The following WWTR1 variants were observed in gnomAD, a reference collection of about 807,000 sequenced individuals.
WWTR1 encodes WW domain-containing transcription regulator protein 1.
WWTR1 carries 13 observed loss-of-function variants against 40.1 expected under a neutral mutation model. The observed-to-expected ratio is 0.32, with a 90% confidence interval of 0.21 to 0.52. WWTR1 has a LOEUF of 0.52. Ranked by LOEUF, WWTR1 falls within the 20% of genes least tolerant of loss-of-function variation. The pLI is 0.97. For missense variants in WWTR1, 436 were observed against 523.1 expected (o/e 0.83, Z 1.63); for synonymous variants, 230 against 210.1 (o/e 1.09, Z -0.82).
chr3:149,559,655 G>A lies in WWTR1; in HGVS notation c.568+13209C>T, dbSNP rs60891406. Among the ~76,000 whole-genome samples, 203 of 152,274 alleles carry A rather than the reference G, an allele frequency of 1.3e-3. 9 individuals are homozygous for A. The East Asian group carries it at 0.032, about 24-fold the overall frequency. On this transcript the variant is annotated intron_variant, in intron 3 of 6. Transcript: ENST00000360632. The stretch of plus-strand genomic sequence containing the variant: ...CTCCTGGAGACAGAATTCTCAGTCC[G>A]GCAGGGACCAGAGAAACTGTGTTAT...
At chr3:149,603,035 G>A (rs1405197822) in intron 2 of WWTR1, among the ~76,000 whole-genome samples, 1 of 151,994 alleles carries the variant, frequency 6.6e-6, no homozygotes, top group Non-Finnish European at 1.5e-5. Flanking sequence ...TCTACTCTAG[G>A]TTTCAACTGT....
chr3:149,522,237 G>A (rs1467375991), intron 6 of WWTR1, among the ~76,000 whole-genome samples: 3 of 152,170 alleles, frequency 2.0e-5, no homozygotes, highest in Non-Finnish European at 2.9e-5. Flanking sequence ...TGAAACGTGT[G>A]TAGGGAAGTT....
At chr3:149,691,813 G>A (rs1714835366) in intron 1 of WWTR1, among the ~76,000 whole-genome samples, 1 of 151,978 alleles carries the variant, frequency 6.6e-6, no homozygotes, top group Non-Finnish European at 1.5e-5. Flanking sequence ...TCAGGAGATC[G>A]AGACCATCCT....
intron 3 of WWTR1, among the ~76,000 whole-genome samples, chr3:149,547,971 C>T (rs577567271): frequency 6.8e-5 from 10 of 147,396 alleles, no homozygotes; most frequent in South Asian, 6.4e-4. Context: ...CACACAAAAC[C>T]GCCAGTGCCA....
chr3:149,651,721 G>C (rs77055800), intron 2 of WWTR1, among the ~76,000 whole-genome samples: 2,839 of 152,022 alleles, frequency 0.019, 91 homozygotes, highest in African/African-American at 0.065. Flanking sequence ...ATTGGCCCAG[G>C]AATCCTAAAA....
chr3:149,524,239 A>G (rs1285461122), intron 6 of WWTR1, among the ~76,000 whole-genome samples: 1 of 152,020 alleles, frequency 6.6e-6, no homozygotes, highest in Non-Finnish European at 1.5e-5. Context: ...ATTTAATTCC[A>G]CATTACGGCT....
chr3:149,712,734 C>T (rs1372003889), intron 5 of WWTR1, among the ~76,000 whole-genome samples: 1 of 152,190 alleles, frequency 6.6e-6, no homozygotes, highest in Non-Finnish European at 1.5e-5. Context: ...TCACACTACT[C>T]TAAACCACAA....
At chr3:149,585,821 A>C (rs1738394835) in intron 2 of WWTR1, among the ~76,000 whole-genome samples, 1 of 152,232 alleles carries the variant, frequency 6.6e-6, no homozygotes, top group Non-Finnish European at 1.5e-5. Flanking sequence ...AAGAAGTTTT[A>C]ATCTAATTTA....
At position 149,520,621 on chromosome 3, in the gene WWTR1, T is replaced by A. The variant is rs1187069367; in HGVS notation, c.*184A>T. Reference sequence around the variant, plus strand: ...AAAATGAAAATAGAATATTTATTTATGTTTAACTTAAGTTACTCTCAATCA... The same window carrying A: ...AAAATGAAAATAGAATATTTATTTAAGTTTAACTTAAGTTACTCTCAATCA... On this transcript the variant is annotated 3_prime_UTR_variant, in exon 7 of 7. Coordinates refer to ENST00000360632, the MANE Select transcript of WWTR1 (RefSeq NM_015472.6). 6.5e-6 allele frequency: 3 copies of A among 464,360 alleles called. No homozygotes were observed. The highest frequency in any genetic ancestry group is 1.1e-5 in the Non-Finnish European group (3 of 270,046). 28.8% of individuals were successfully genotyped at this position (464,360 alleles called of 1,614,324 possible).
At chr3:149,681,253 A>G (rs1714451704) in intron 1 of WWTR1, among the ~76,000 whole-genome samples, 1 of 152,226 alleles carries the variant, frequency 6.6e-6, no homozygotes, top group African/African-American at 2.4e-5. Flanking sequence ...AAGAACCTCC[A>G]TGCTGTTTTC....
At chr3:149,673,903 G>T (rs1714175963) in intron 1 of WWTR1, among the ~76,000 whole-genome samples, 1 of 151,968 alleles carries the variant, frequency 6.6e-6, no homozygotes, top group African/African-American at 2.4e-5. Flanking sequence ...AGGCTGTTTT[G>T]CAATGGAAGG....
At chr3:149,655,306 G>A (rs984575440) in intron 2 of WWTR1, among the ~76,000 whole-genome samples, 2 of 149,040 alleles carry the variant, frequency 1.3e-5, no homozygotes, top group Admixed American at 6.7e-5. Context: ...TTAGCCAGGC[G>A]TGGTGGTGGG....
At chr3:149,657,616 A>C (rs1184084462) in intron 1 of WWTR1, 149 bp downstream of exon 1, 2 of 326,930 alleles carry the variant, frequency 6.1e-6, no homozygotes, top group Non-Finnish European at 1.1e-5. Flanking sequence ...GCAGGATGGC[A>C]AAGGAAAGGT....
intron 1 of WWTR1, among the ~76,000 whole-genome samples, chr3:149,679,658 A>AT (rs1714389930): frequency 6.6e-6 from 1 of 151,050 alleles, no homozygotes; most frequent in Non-Finnish European, 1.5e-5. Context: ...AAAAAAAAAA[A>AT]GTAAAATGCC....
chr3:149,637,256 C>T (rs1295308855), intron 2 of WWTR1, among the ~76,000 whole-genome samples: 1 of 150,708 alleles, frequency 6.6e-6, no homozygotes, highest in Non-Finnish European at 1.5e-5. Flanking sequence ...GACAGAGTCT[C>T]GCTCTGTTGG....
chr3:149,575,068 T>G (rs111880524), intron 2 of WWTR1, among the ~76,000 whole-genome samples: 2,724 of 151,726 alleles, frequency 0.018, 50 homozygotes, highest in Admixed American at 0.029. Flanking sequence ...CACTCCAGCC[T>G]AGGCAGCAGA....
intron 5 of WWTR1, among the ~76,000 whole-genome samples, chr3:149,715,903 AG>A (rs1473229844): frequency 1.3e-5 from 2 of 152,162 alleles, no homozygotes; most frequent in Non-Finnish European, 2.9e-5. Context: ...CTGGATAAAA[AG>A]TCTTGTTTGG....
At chr3:149,705,942 A>G (rs1260330492), upstream of WWTR1, among the ~76,000 whole-genome samples, 2 of 152,226 alleles carry the variant, frequency 1.3e-5, no homozygotes, top group African/African-American at 4.8e-5. Flanking sequence ...CTGTAATCCC[A>G]GCACTGTGGG....
chr3:149,523,154 A>G (rs953046855), intron 6 of WWTR1, among the ~76,000 whole-genome samples: 2 of 152,086 alleles, frequency 1.3e-5, no homozygotes, highest in East Asian at 3.9e-4. Context: ...AAAGTTAACA[A>G]TCTTAAAATA....
Sources: gnomAD v4.1 joint callset for allele counts (sites outside exome capture counted in the v4.1 genomes callset) on GRCh38, gnomAD v4.1.1 for gene constraint, MANE v1.5 for transcripts, NCBI Gene and HGNC (gene_info 2026-07-23, HGNC 2026-07-21) for gene names.